Variants in RUNX2 observed in about 807,000 individuals in gnomAD.
RUNX2 encodes the protein RUNX family transcription factor 2.
A neutral mutation model predicts 51.7 loss-of-function variants in RUNX2; 10 were observed. The ratio of observed to expected loss-of-function variants is 0.19; its 90% CI spans 0.12 to 0.33. The LOEUF (loss-of-function observed/expected upper bound fraction) is 0.33. Ranked by LOEUF, RUNX2 falls within the 10% of genes least tolerant of loss-of-function variation. The pLI is 1.00. For synonymous variants in RUNX2, 276 were observed against 273.6 expected, an observed-to-expected ratio of 1.01 and a Z score of -0.09; for missense variants, 562 against 691.3, an observed-to-expected ratio of 0.81 and a Z score of 2.10.
At position 45,422,597 on chromosome 6, in the gene RUNX2, G is replaced by T; in HGVS notation, c.63G>T (p.Pro21=). 6.3e-7 allele frequency: 1 copy of T among 1,597,800 alleles called. No homozygotes were observed. Among genetic ancestry groups the T allele is most frequent in the East Asian group, 2.3e-5 (1 of 43,644 alleles). Residue 21 remains proline, a synonymous_variant, in exon 3 of 9, where the codon CCG becomes CCT. Transcript: ENST00000647337. ...TPCQQNFFWD[P]STSRRFSPPS... ...TTGTGATGCGTATTCCCGTAGATCC[G>T]AGCACCAGCCGGCGCTTCAGCCCCC...
intron 7 of RUNX2, among the ~76,000 whole-genome samples, chr6:45,532,850 A>C (rs1801904699): frequency 6.6e-6 from 1 of 150,650 alleles, no homozygotes; most frequent in African/African-American, 2.4e-5. Flanking sequence ...AGGAGCTACT[A>C]CTGGACTACT....
chr6:45,430,567 G>A (rs1798515555), intron 3 of RUNX2, among the ~76,000 whole-genome samples: 1 of 152,150 alleles, frequency 6.6e-6, no homozygotes, highest in Admixed American at 6.5e-5. Flanking sequence ...TAAAATATAG[G>A]TATAGTGTGT....
intron 6 of RUNX2, among the ~76,000 whole-genome samples, chr6:45,499,891 T>C (rs1463320528): frequency 6.6e-6 from 1 of 152,208 alleles, no homozygotes; most frequent in Non-Finnish European, 1.5e-5. Context: ...CTTTCTCTTT[T>C]AGTTTTATAT....
intron 6 of RUNX2, among the ~76,000 whole-genome samples, chr6:45,503,912 C>A (rs1021606397): frequency 2.6e-5 from 4 of 152,148 alleles, no homozygotes; most frequent in Admixed American, 6.5e-5. Context: ...ATTCTCTTCT[C>A]TGCTTATTGT....
chr6:45,523,509 G>C (rs1801571621), intron 7 of RUNX2, among the ~76,000 whole-genome samples: 1 of 151,940 alleles, frequency 6.6e-6, no homozygotes. Flanking sequence ...GACCTCAGGT[G>C]ATCTACCCGC....
chr6:45,334,124 T>A lies in RUNX2; in HGVS notation c.58+5340T>A, dbSNP rs527683636. On this transcript the variant is annotated intron_variant, in intron 2 of 8. Coordinates refer to ENST00000647337, the MANE Select transcript of RUNX2 (RefSeq NM_001024630.4). ...TTCCTATTGCCAATTCTCTTAATTA[T>A]ACATTAGTTACATCAGATTAGTGAC... is the stretch of plus-strand genomic sequence containing the variant. Among the ~76,000 whole-genome samples the A allele has an allele frequency of 3.3e-4, 50 of 151,402 alleles. No individual in the cohort carries two copies. In the South Asian group the frequency reaches 3.9e-3, roughly 12 times the overall value.
chr6:45,393,660 C>G (rs1057480020), intron 2 of RUNX2, among the ~76,000 whole-genome samples: 1 of 152,016 alleles, frequency 6.6e-6, no homozygotes, highest in Non-Finnish European at 1.5e-5. Flanking sequence ...GATCTCCTGA[C>G]CTCGTGATCT....
At chr6:45,347,016 A>T (rs910349120) in intron 2 of RUNX2, among the ~76,000 whole-genome samples, 6 of 152,178 alleles carry the variant, frequency 3.9e-5, no homozygotes, top group African/African-American at 1.4e-4. Context: ...TGCCTTAAAA[A>T]TAACTTACAT....
intron 5 of RUNX2, among the ~76,000 whole-genome samples, chr6:45,447,367 G>A (rs568106881): frequency 4.9e-4 from 75 of 152,244 alleles, no homozygotes; most frequent in Admixed American, 1.4e-3. Flanking sequence ...GAGTTTTAGG[G>A]TTCTGTATTT....
At chr6:45,479,691 G>A (rs1236125554) in intron 5 of RUNX2, among the ~76,000 whole-genome samples, 2 of 152,192 alleles carry the variant, frequency 1.3e-5, no homozygotes, top group Non-Finnish European at 2.9e-5. Flanking sequence ...CATGAAGCCA[G>A]CAGGCAGATA....
Position 45,450,452 on chromosome 6 carries a change from G to A in RUNX2, c.685+12401G>A, listed in dbSNP as rs1799133949. 1.3e-5 allele frequency among the ~76,000 whole-genome samples: 2 copies of A among 152,212 alleles called. 1 individual carries two copies. Among genetic ancestry groups the A allele is most frequent in the South Asian group, 4.1e-4 (2 of 4,834 alleles). ...CTTACTGTTAGCCAGGTGCCAGGCA[G>A]GCGTGATCCTCCCTTTGAGGAGCCT... On this transcript the variant is annotated intron_variant, in intron 5 of 8. Transcript: ENST00000647337.
At chr6:45,358,736 GT>G (rs1317768890) in intron 2 of RUNX2, among the ~76,000 whole-genome samples, 3 of 152,056 alleles carry the variant, frequency 2.0e-5, no homozygotes, top group Non-Finnish European at 4.4e-5. Flanking sequence ...ATTTTTGAAA[GT>G]TAATACTGTA....
At position 45,550,317 on chromosome 6, in the gene RUNX2, T is replaced by C. The variant is rs1802527889; in HGVS notation, c.*3012T>C. 1 of 152,248 alleles carries C rather than the reference T, an allele frequency of 6.6e-6. No individual in the cohort carries two copies. Among genetic ancestry groups the C allele is most frequent in the African/African-American group, 2.4e-5 (1 of 41,456 alleles). 9.4% of individuals were successfully genotyped at this position (152,248 alleles called of 1,614,324 possible). On this transcript the variant is annotated 3_prime_UTR_variant, in exon 9 of 9. Transcript: ENST00000647337. ...GAACTGAGAAACTCAACAGATTAACTATCGTTTGCTCTTTAGACGGTCTCA... is the reference window on the plus strand; with the variant it reads ...GAACTGAGAAACTCAACAGATTAACCATCGTTTGCTCTTTAGACGGTCTCA...
chr6:45,484,702 G>A (rs1187651314), intron 5 of RUNX2, among the ~76,000 whole-genome samples: 1 of 152,236 alleles, frequency 6.6e-6, no homozygotes, highest in South Asian at 2.1e-4. Context: ...GATACAGTAA[G>A]GCTCATCCTT....
intron 2 of RUNX2, among the ~76,000 whole-genome samples, chr6:45,387,285 A>C (rs1035896326): frequency 6.6e-6 from 1 of 152,228 alleles, no homozygotes; most frequent in Non-Finnish European, 1.5e-5. Flanking sequence ...ACAAGTAGCA[A>C]ACTGGAATAT....
At chr6:45,510,937 A>C (rs895656154) in intron 6 of RUNX2, among the ~76,000 whole-genome samples, 5 of 152,178 alleles carry the variant, frequency 3.3e-5, no homozygotes, top group African/African-American at 1.2e-4. Flanking sequence ...AAGGTTACAC[A>C]GAAAGAAGAA....
chr6:45,519,337 C>G (rs1273453006), intron 7 of RUNX2, among the ~76,000 whole-genome samples: 1 of 152,120 alleles, frequency 6.6e-6, no homozygotes, highest in Non-Finnish European at 1.5e-5. Flanking sequence ...TTATTTACAT[C>G]TTGCATTTGT....
At chr6:45,408,964 A>G (rs1009795900) in intron 2 of RUNX2, among the ~76,000 whole-genome samples, 1 of 152,222 alleles carries the variant, frequency 6.6e-6, no homozygotes, top group Non-Finnish European at 1.5e-5. Context: ...ATATATGTTT[A>G]CTGTATGAAT....
At chr6:45,450,961 A>G (rs567541128) in intron 5 of RUNX2, among the ~76,000 whole-genome samples, 1 of 152,308 alleles carries the variant, frequency 6.6e-6, no homozygotes, top group East Asian at 1.9e-4. Context: ...TCCTGGCCCC[A>G]AACCACTCTC....
Sources: gnomAD v4.1 joint callset for allele counts (sites outside exome capture counted in the v4.1 genomes callset) on GRCh38, gnomAD v4.1.1 for gene constraint, MANE v1.5 for transcripts, NCBI Gene and HGNC (gene_info 2026-07-23, HGNC 2026-07-21) for gene names.